MRPL1: variants seen among roughly 807,000 people sequenced by gnomAD.
MRPL1 encodes mitochondrial ribosomal protein L1, also known as large ribosomal subunit protein uL1m.
MRPL1 carries 28 observed loss-of-function variants against 38.0 expected under a neutral mutation model. That is an observed-to-expected ratio of 0.74 (90% CI 0.55 to 1.01). The LOEUF (loss-of-function observed/expected upper bound fraction) is 1.01. Ranked by LOEUF, MRPL1 falls within the 50% of genes least tolerant of loss-of-function variation. MRPL1 has a pLI of 0.00. For synonymous variants in MRPL1, 123 were observed against 126.7 expected (o/e 0.97, Z 0.20); for missense variants, 358 against 389.8 (o/e 0.92, Z 0.69).
intron 1 of MRPL1, among the ~76,000 whole-genome samples, chr4:77,863,626 C>T (rs1373775982): frequency 6.6e-6 from 1 of 151,954 alleles, no homozygotes; most frequent in Non-Finnish European, 1.5e-5. Context: ...GCCACCATGC[C>T]TGGCTAATTT....
intron 7 of MRPL1, among the ~76,000 whole-genome samples, chr4:77,945,877 G>C (rs1273969068): frequency 6.6e-6 from 1 of 152,222 alleles, no homozygotes. Context: ...AAGGCAAAGG[G>C]CAAAGCAAAG....
chr4:77,919,286 C>A (rs972348424), intron 7 of MRPL1, among the ~76,000 whole-genome samples: 1 of 151,990 alleles, frequency 6.6e-6, no homozygotes, highest in Admixed American at 6.6e-5. Context: ...AAATACTTGG[C>A]CTTCAGCCTG....
At chr4:77,864,875 A>G (rs1578034421) in intron 1 of MRPL1, 1 of 151,678 alleles carries the variant, frequency 6.6e-6, no homozygotes, top group South Asian at 2.1e-4. Flanking sequence ...ATGGATGGCC[A>G]ATTATTGTGT....
At chr4:77,906,564 G>T (rs890251146) in intron 6 of MRPL1, among the ~76,000 whole-genome samples, 1 of 152,152 alleles carries the variant, frequency 6.6e-6, no homozygotes, top group Non-Finnish European at 1.5e-5. Context: ...GTGAGTAGAA[G>T]TGGGGCTGAG....
chr4:77,946,199 C>T (rs1348195412), intron 7 of MRPL1, among the ~76,000 whole-genome samples: 2 of 152,024 alleles, frequency 1.3e-5, no homozygotes, highest in Non-Finnish European at 2.9e-5. Context: ...AAGAATTGAG[C>T]GATATTGTTC....
At chr4:77,874,094 G>A (rs1735341235) in intron 2 of MRPL1, among the ~76,000 whole-genome samples, 1 of 151,932 alleles carries the variant, frequency 6.6e-6, no homozygotes, top group East Asian at 1.9e-4. Flanking sequence ...CACCTCCCGG[G>A]TTCAAATGAT....
chr4:77,909,252 C>T lies in MRPL1; in HGVS notation c.671-14C>T. 2 of 1,533,930 alleles carry T rather than the reference C, an allele frequency of 1.3e-6. No homozygotes were observed. Among genetic ancestry groups the T allele is most frequent in the Non-Finnish European group, 1.8e-6 (2 of 1,112,302 alleles). ...TTTGGAGTGATAATTGTGGATTTTA[C>T]TTTTTCTAACTAGATTCCATTGGCC... is the stretch of plus-strand genomic sequence containing the variant. On this transcript the variant is annotated splice_polypyrimidine_tract_variant and intron_variant, in intron 6 of 8. Coordinates refer to ENST00000315567, the MANE Select transcript of MRPL1 (RefSeq NM_020236.4).
In MRPL1 at chr4:77,887,391, G is replaced by A. The variant is rs112525248; in HGVS notation, c.558+100G>A. ...GTGGAACACTAGTCTCATATCTTAT[G>A]ATAAATAGTTAATAGGTCTTTATAA... is the stretch of plus-strand genomic sequence containing the variant. On this transcript the variant is annotated intron_variant, in intron 5 of 8. Coordinates refer to ENST00000315567, the MANE Select transcript of MRPL1 (RefSeq NM_020236.4). 69 of 1,013,400 alleles carry A rather than the reference G, an allele frequency of 6.8e-5. No individual in the cohort carries two copies. In the East Asian group the frequency reaches 1.7e-3, roughly 25 times the overall value. The allele number at this position is 1,013,400 out of a possible 1,614,324, so 62.8% of individuals were successfully genotyped here.
At chr4:77,950,631 A>G (rs1405304525) in intron 8 of MRPL1, among the ~76,000 whole-genome samples, 2 of 152,216 alleles carry the variant, frequency 1.3e-5, no homozygotes, top group African/African-American at 4.8e-5. Context: ...AGTTAACCAT[A>G]CTGGTGAATA....
At chr4:77,891,349 GTT>G (rs797018478) in intron 5 of MRPL1, among the ~76,000 whole-genome samples, 1 of 125,142 alleles carries the variant, frequency 8.0e-6, no homozygotes, top group Non-Finnish European at 1.8e-5. Flanking sequence ...AGTTTTTTTT[GTT>G]TTTTTTTTTT....
intron 1 of MRPL1, among the ~76,000 whole-genome samples, chr4:77,870,694 A>G (rs932818412): frequency 6.6e-6 from 1 of 152,234 alleles, no homozygotes; most frequent in Non-Finnish European, 1.5e-5. Flanking sequence ...TGCATAAGGT[A>G]TTGCTAACAT....
intron 6 of MRPL1, 44 bp downstream of exon 6, chr4:77,894,294 T>C (rs1013702331): frequency 8.2e-7 from 1 of 1,214,036 alleles, no homozygotes; most frequent in Non-Finnish European, 1.2e-6. Flanking sequence ...AACAACTTTC[T>C]TGTGAACTTT....
At chr4:77,933,972 A>G (rs1021578823) in intron 7 of MRPL1, among the ~76,000 whole-genome samples, 1 of 152,240 alleles carries the variant, frequency 6.6e-6, no homozygotes, top group Non-Finnish European at 1.5e-5. Context: ...TAAAAGCTGG[A>G]AAAACCCAGT....
At chr4:77,935,241 A>AC (rs549522946) in intron 7 of MRPL1, among the ~76,000 whole-genome samples, 1 of 151,930 alleles carries the variant, frequency 6.6e-6, no homozygotes, top group Non-Finnish European at 1.5e-5. Context: ...CAAAAGATAC[A>AC]CCCCCCAAAA....
At chr4:77,900,020 T>C (rs1331405063) in intron 6 of MRPL1, among the ~76,000 whole-genome samples, 1 of 152,212 alleles carries the variant, frequency 6.6e-6, no homozygotes, top group Non-Finnish European at 1.5e-5. Context: ...TATTTATTCA[T>C]CTACAAAATG....
chr4:77,911,544 A>C (rs143173269), intron 7 of MRPL1, among the ~76,000 whole-genome samples: 1 of 152,140 alleles, frequency 6.6e-6, no homozygotes, highest in Non-Finnish European at 1.5e-5. Flanking sequence ...GTCTTGATTC[A>C]AACCCTTGTT....
chr4:77,886,462 G>T (rs1735678468), intron 4 of MRPL1, among the ~76,000 whole-genome samples: 1 of 151,824 alleles, frequency 6.6e-6, no homozygotes, highest in Non-Finnish European at 1.5e-5. Context: ...AGCCTCCCGA[G>T]TAGCTGCGAT....
intron 1 of MRPL1, 148 bp from the exon 2 acceptor site, chr4:77,871,596 G>A (rs1174194357): frequency 5.8e-6 from 3 of 513,554 alleles, no homozygotes; most frequent in Non-Finnish European, 1.0e-5. Flanking sequence ...GAGACACTGT[G>A]CCTGGCTATT....
chr4:77,944,551 A>G (rs1737209844), intron 7 of MRPL1, among the ~76,000 whole-genome samples: 1 of 152,062 alleles, frequency 6.6e-6, no homozygotes, highest in Non-Finnish European at 1.5e-5. Context: ...TAGTGTCTAG[A>G]TTGTAATCTC....
Sources: allele counts gnomAD v4.1 joint callset (sites outside exome capture counted in the v4.1 genomes callset), GRCh38; gene constraint gnomAD v4.1.1; transcripts MANE v1.5; gene names NCBI Gene and HGNC (gene_info 2026-07-23, HGNC 2026-07-21).